Variants in SCFD2 observed in about 807,000 individuals in gnomAD.
The protein encoded by SCFD2 is sec1 family domain containing 2, also known as sec1 family domain-containing protein 2.
In SCFD2, 54 loss-of-function variants were observed where a neutral mutation model predicts 58.9. The ratio of observed to expected loss-of-function variants is 0.92; its 90% CI spans 0.74 to 1.15. SCFD2 has a LOEUF of 1.15. Ranked by LOEUF, SCFD2 falls within the 50% of genes most tolerant of loss-of-function variation. SCFD2 has a pLI of 0.00. For synonymous variants in SCFD2, 321 were observed against 335.9 expected, an observed-to-expected ratio of 0.96 and a Z score of 0.49; for missense variants, 805 against 836.6, an observed-to-expected ratio of 0.96 and a Z score of 0.47.
intron 4 of SCFD2, among the ~76,000 whole-genome samples, chr4:53,269,034 AT>A (rs1731079726): frequency 6.6e-6 from 1 of 152,186 alleles, no homozygotes; most frequent in Non-Finnish European, 1.5e-5. Flanking sequence ...GAGCTATGAT[AT>A]TAGACCAAGT....
chr4:53,297,635 G>C (rs1732089758), intron 3 of SCFD2, among the ~76,000 whole-genome samples: 2 of 151,992 alleles, frequency 1.3e-5, no homozygotes, highest in Admixed American at 1.3e-4. Flanking sequence ...CTTTTAATTG[G>C]GGCATTTAGC....
rs201042243 is a variant in SCFD2, at chr4:53,313,812, C to G, written c.1008-49G>C. On this transcript the variant is annotated intron_variant, in intron 2 of 8. Transcript: ENST00000401642. ...CTTTAGAATAAATTTCTACTGGATA[C>G]TGGAAAGGGTTGAAAGCAAAATACT... is the stretch of plus-strand genomic sequence containing the variant. 4.3e-4 allele frequency: 692 copies of G among 1,600,380 alleles called. 6 individuals carry two copies. The African/African-American group carries it at 8.2e-3, about 19-fold the overall frequency.
At chr4:53,103,831 G>A (rs1363349552) in intron 5 of SCFD2, among the ~76,000 whole-genome samples, 7 of 128,348 alleles carry the variant, frequency 5.5e-5, no homozygotes, top group Admixed American at 8.2e-5. Context: ...AAAAAATGCC[G>A]TAAGGGTTGA....
At chr4:53,017,509 A>G (rs1214681711) in intron 5 of SCFD2, among the ~76,000 whole-genome samples, 1 of 152,202 alleles carries the variant, frequency 6.6e-6, no homozygotes, top group Non-Finnish European at 1.5e-5. Context: ...AAAGTATTTG[A>G]CCCAACTATG....
chr4:53,179,901 A>C lies in SCFD2; in HGVS notation c.1312-34319T>G, dbSNP rs1412492914. On this transcript the variant is annotated intron_variant, in intron 4 of 8. Transcript: ENST00000401642. Reference sequence around the variant, plus strand: ...AACCCACAAAGATCAAAAGAGACAAAGAAGGCCATTACATAATGGTAAAGG... The same window carrying C: ...AACCCACAAAGATCAAAAGAGACAACGAAGGCCATTACATAATGGTAAAGG... 2.6e-5 allele frequency among the ~76,000 whole-genome samples: 4 copies of C among 152,222 alleles called. No individual in the cohort carries two copies. In the East Asian group the frequency reaches 7.7e-4, roughly 29 times the overall value.
intron 5 of SCFD2, among the ~76,000 whole-genome samples, chr4:53,015,515 A>T (rs1289843092): frequency 6.6e-6 from 1 of 152,160 alleles, no homozygotes; most frequent in Non-Finnish European, 1.5e-5. Flanking sequence ...GGAGAAGCAA[A>T]ATCTCTCAAA....
chr4:53,272,752 A>G (rs942791071), intron 4 of SCFD2, among the ~76,000 whole-genome samples: 2 of 152,178 alleles, frequency 1.3e-5, no homozygotes, highest in Admixed American at 1.3e-4. Context: ...ACCTAATGTT[A>G]AATGACGTGA....
intron 2 of SCFD2, among the ~76,000 whole-genome samples, chr4:53,320,341 G>T (rs773968303): frequency 6.6e-6 from 1 of 152,218 alleles, no homozygotes; most frequent in Non-Finnish European, 1.5e-5. Flanking sequence ...TCCAGGCAGG[G>T]TGTGGTGGCT....
intron 3 of SCFD2, among the ~76,000 whole-genome samples, chr4:53,285,008 G>C (rs1003005972): frequency 2.0e-5 from 3 of 152,208 alleles, no homozygotes; most frequent in Non-Finnish European, 4.4e-5. Context: ...AATGTGAAAA[G>C]AGCACTTTAA....
intron 4 of SCFD2, among the ~76,000 whole-genome samples, chr4:53,255,963 G>A (rs189408942): frequency 5.3e-5 from 8 of 149,620 alleles, no homozygotes; most frequent in Middle Eastern, 3.5e-3. Flanking sequence ...CTGGCCGGGT[G>A]GGGGGCTGAC....
intron 5 of SCFD2, among the ~76,000 whole-genome samples, chr4:53,088,373 C>A (rs1214000534): frequency 1.6e-4 from 24 of 152,164 alleles, no homozygotes; most frequent in Admixed American, 4.6e-4. Context: ...CTAAGCCCTG[C>A]CTGACAGAGC....
At chr4:53,130,449 G>C (rs985078723) in intron 5 of SCFD2, among the ~76,000 whole-genome samples, 1 of 152,118 alleles carries the variant, frequency 6.6e-6, no homozygotes. Flanking sequence ...TATGGTAGAC[G>C]TATCTAGTTT....
intron 5 of SCFD2, among the ~76,000 whole-genome samples, chr4:52,975,597 T>C (rs1161962637): frequency 1.3e-5 from 2 of 152,156 alleles, no homozygotes; most frequent in Non-Finnish European, 1.5e-5. Context: ...AGTTCAACCA[T>C]TGTGGAAGTC....
At chr4:53,144,997 C>T (rs533131520) in intron 5 of SCFD2, among the ~76,000 whole-genome samples, 4 of 152,170 alleles carry the variant, frequency 2.6e-5, no homozygotes, top group Non-Finnish European at 5.9e-5. Flanking sequence ...CGGCAGCATT[C>T]GATTCTCATA....
intron 5 of SCFD2, among the ~76,000 whole-genome samples, chr4:52,997,645 G>C (rs1390320507): frequency 6.6e-6 from 1 of 152,192 alleles, no homozygotes; most frequent in Non-Finnish European, 1.5e-5. Context: ...TCAGGGCTTA[G>C]GCCTGGGGAA....
At chr4:53,256,047 C>T (rs562997357) in intron 4 of SCFD2, among the ~76,000 whole-genome samples, 13 of 150,262 alleles carry the variant, frequency 8.7e-5, no homozygotes, top group Non-Finnish European at 1.2e-4. Flanking sequence ...CCGGACGGGG[C>T]GGCTGGCCTG....
rs114212232 is a variant in SCFD2 at position 52,923,884 on chromosome 4, T to C, written c.1562-3014A>G. 5.8e-3 allele frequency among the ~76,000 whole-genome samples: 876 copies of C among 152,302 alleles called. 15 individuals are homozygous for C. The highest frequency in any genetic ancestry group is 0.02 in the African/African-American group (831 of 41,560). On this transcript the variant is annotated intron_variant, in intron 5 of 8. Coordinates refer to ENST00000401642, the MANE Select transcript of SCFD2 (RefSeq NM_152540.4). ...GAAGAAACCCTGGGAGGTTATGGCTTCTCACTCAACATGTGGCTTCTTTCC... is the reference window on the plus strand; with the variant it reads ...GAAGAAACCCTGGGAGGTTATGGCTCCTCACTCAACATGTGGCTTCTTTCC...
chr4:52,971,252 G>A (rs932820107), intron 5 of SCFD2, among the ~76,000 whole-genome samples: 1 of 152,120 alleles, frequency 6.6e-6, no homozygotes, highest in Non-Finnish European at 1.5e-5. Flanking sequence ...CCATGGCAAA[G>A]AAGCTAAAAA....
At chr4:53,084,751 T>C (rs1030166276) in intron 5 of SCFD2, among the ~76,000 whole-genome samples, 6 of 152,138 alleles carry the variant, frequency 3.9e-5, no homozygotes, top group Non-Finnish European at 7.4e-5. Flanking sequence ...TGCAAATCAA[T>C]CCATGTGATG....
Sources: allele counts gnomAD v4.1 joint callset (sites outside exome capture counted in the v4.1 genomes callset), GRCh38; gene constraint gnomAD v4.1.1; transcripts MANE v1.5; gene names NCBI Gene and HGNC (gene_info 2026-07-23, HGNC 2026-07-21).